The following ZNF875 variants were observed in gnomAD, a reference collection of about 807,000 sequenced individuals.
The protein encoded by ZNF875 is HKR1, GLI-Kruppel zinc finger family member.
A neutral mutation model predicts 11.2 loss-of-function variants in ZNF875; 14 were observed. The ratio of observed to expected loss-of-function variants is 1.26; its 90% confidence interval spans 0.83 to 1.96. ZNF875 has a LOEUF of 1.96. Among genes scored for constraint, ZNF875 ranks in the 30% most tolerant of loss-of-function variants. ZNF875 has a pLI of 0.00. For missense variants in ZNF875, 752 were observed against 760.4 expected, an observed-to-expected ratio of 0.99 and a Z score of 0.13; for synonymous variants, 301 against 281.1, an observed-to-expected ratio of 1.07 and a Z score of -0.71.
At chr19:37,343,838 T>G (rs542958798) in intron 2 of ZNF875, among the ~76,000 whole-genome samples, 2 of 152,306 alleles carry the variant, frequency 1.3e-5, no homozygotes, top group African/African-American at 4.8e-5. Context: ...ATCCACTGGT[T>G]AGATACAATG....
chr19:37,318,524 C>CT (rs1233207140), intron 1 of ZNF875, among the ~76,000 whole-genome samples: 5,954 of 138,974 alleles, frequency 0.043, 235 homozygotes, highest in African/African-American at 0.11. Context: ...TATTTGTTTT[C>CT]TTTTTTTTTT....
Position 37,363,804 on chromosome 19 carries a change from C to T in ZNF875, c.*29C>T, listed in dbSNP as rs376191342. On this transcript the variant is annotated 3_prime_UTR_variant, in exon 5 of 5. Coordinates refer to ENST00000392153, the MANE Select transcript of ZNF875 (RefSeq NM_001353803.2). ...CTTTATGTGTATAGGGAATGTGGTACAGCCTTTAGCCAGGAGTCATACTTC... is the reference window on the plus strand; with the variant it reads ...CTTTATGTGTATAGGGAATGTGGTATAGCCTTTAGCCAGGAGTCATACTTC... The T allele has an allele frequency of 1.3e-6, 2 of 1,574,626 alleles. No homozygotes were observed. The highest frequency in any genetic ancestry group is 2.7e-5 in the African/African-American group (2 of 74,144).
intron 2 of ZNF875, chr19:37,346,975 A>G (rs1365615726): frequency 1.0e-5 from 5 of 496,192 alleles, no homozygotes; most frequent in Non-Finnish European, 1.9e-5. Context: ...GCGCCACCAC[A>G]CCTGACTAAT....
At chr19:37,353,099 C>T (rs2038223943) in intron 4 of ZNF875, among the ~76,000 whole-genome samples, 1 of 152,042 alleles carries the variant, frequency 6.6e-6, no homozygotes. Context: ...GTCTCGAACT[C>T]CTGACCTCAA....
At chr19:37,321,868 A>T (rs1242307348) in intron 1 of ZNF875, among the ~76,000 whole-genome samples, 1 of 152,172 alleles carries the variant, frequency 6.6e-6, no homozygotes, top group African/African-American at 2.4e-5. Flanking sequence ...CCACAGCAAC[A>T]TGCCTATTAA....
intron 4 of ZNF875, among the ~76,000 whole-genome samples, chr19:37,328,005 G>T (rs1186247751): frequency 2.0e-5 from 3 of 152,090 alleles, no homozygotes; most frequent in African/African-American, 7.2e-5. Context: ...ACTTTGGGAG[G>T]CCAAGGCGGG....
intron 2 of ZNF875, among the ~76,000 whole-genome samples, chr19:37,340,529 G>A (rs1014486446): frequency 6.6e-6 from 1 of 151,642 alleles, no homozygotes; most frequent in African/African-American, 2.4e-5. Context: ...CAGTGTCTTA[G>A]ATATTTAGGA....
At chr19:37,353,182 G>A (rs2038250091) in intron 4 of ZNF875, among the ~76,000 whole-genome samples, 1 of 151,926 alleles carries the variant, frequency 6.6e-6, no homozygotes, top group African/African-American at 2.4e-5. Context: ...CTCCTTTTTC[G>A]ATCTTCATGT....
upstream of ZNF875, among the ~76,000 whole-genome samples, chr19:37,317,705 GC>G (rs1400692655): frequency 5.9e-5 from 9 of 152,352 alleles, no homozygotes; most frequent in East Asian, 1.7e-3. Flanking sequence ...GGCGGGTCAG[GC>G]CCAAGCGCTT....
chr19:37,319,917 CGCTCTGT>C (rs2031033349), intron 1 of ZNF875, among the ~76,000 whole-genome samples: 1 of 152,126 alleles, frequency 6.6e-6, no homozygotes, highest in Admixed American at 6.5e-5. Context: ...GACGGAGTCT[CGCTCTGT>C]CACCCAGGCT....
At chr19:37,347,905 C>T in intron 4 of ZNF875, 33 bp downstream of exon 4, 2 of 1,276,654 alleles carry the variant, frequency 1.6e-6, no homozygotes, top group Non-Finnish European at 2.3e-6. Context: ...ACGGGATAAT[C>T]CACAGCTTGG....
chr19:37,328,558 T>G (rs2032890541), intron 4 of ZNF875: 1 of 152,186 alleles, frequency 6.6e-6, no homozygotes, highest in Non-Finnish European at 1.5e-5. Context: ...GTGGTCACTC[T>G]CTTGCCCTTT....
At chr19:37,331,788 C>T (rs1479907674), upstream of ZNF875, among the ~76,000 whole-genome samples, 1 of 134,462 alleles carries the variant, frequency 7.4e-6, no homozygotes, top group Non-Finnish European at 1.7e-5. Context: ...AAGACCTGAC[C>T]GTCCCCCAGC....
At chr19:37,334,139 G>A (rs1282221286), upstream of ZNF875, among the ~76,000 whole-genome samples, 5 of 152,106 alleles carry the variant, frequency 3.3e-5, no homozygotes, top group Non-Finnish European at 1.5e-5. Flanking sequence ...CCTGCTCTCC[G>A]CGAAAATAGC....
chr19:37,335,329 C>G (rs572483613), intron 2 of ZNF875, 72 bp downstream of exon 2: 1 of 650,458 alleles, frequency 1.5e-6, no homozygotes, highest in Admixed American at 2.2e-5. Context: ...GTCCTGGAGG[C>G]TGCCTTGTTG....
At chr19:37,359,832 C>T (rs62109244) in intron 4 of ZNF875, 4,684 of 153,122 alleles carry the variant, frequency 0.031, 113 homozygotes, top group Non-Finnish European at 0.05. Flanking sequence ...AGACACAAGT[C>T]CTATATCAAT....
At chr19:37,337,470 T>A (rs1048209863) in intron 2 of ZNF875, 4 of 152,222 alleles carry the variant, frequency 2.6e-5, no homozygotes, top group African/African-American at 9.7e-5. Context: ...TCTTCTTTTT[T>A]TTGAAACGGA....
intron 4 of ZNF875, among the ~76,000 whole-genome samples, chr19:37,357,466 G>A (rs1488476837): frequency 1.3e-5 from 2 of 152,174 alleles, no homozygotes; most frequent in East Asian, 1.9e-4. Flanking sequence ...CAATCTATGA[G>A]CATAGAATGT....
Position 37,362,032 on chromosome 19 carries a change from G to A in ZNF875, c.257-77G>A, listed in dbSNP as rs534877758. The A allele has an allele frequency of 7.5e-6, 6 of 801,180 alleles. 1 individual carries two copies. The South Asian group carries it at 9.8e-5, about 13-fold the overall frequency. 49.6% of individuals were successfully genotyped at this position (801,180 alleles called of 1,614,324 possible). Reference sequence around the variant, plus strand: ...TGATGTAAATATGTAAATATATTATGAATGACCAGTGGGCAAGGCAAAATT... The same window carrying A: ...TGATGTAAATATGTAAATATATTATAAATGACCAGTGGGCAAGGCAAAATT... On this transcript the variant is annotated intron_variant, in intron 4 of 4. Transcript: ENST00000392153.
Sources: gnomAD v4.1 joint callset for allele counts (sites outside exome capture counted in the v4.1 genomes callset) on GRCh38, gnomAD v4.1.1 for gene constraint, MANE v1.5 for transcripts, NCBI Gene and HGNC (gene_info 2026-07-23, HGNC 2026-07-21) for gene names.